ATP4B: variants seen among roughly 807,000 people sequenced by gnomAD.
ATP4B encodes the protein potassium-transporting ATPase subunit beta.
In ATP4B, 27 loss-of-function variants were observed where a neutral mutation model predicts 35.3. The ratio of observed to expected loss-of-function variants is 0.76; its 90% confidence interval spans 0.56 to 1.05. ATP4B has a LOEUF of 1.05. Ranked by LOEUF, ATP4B falls within the 50% of genes least tolerant of loss-of-function variation. The pLI is 0.00. For synonymous variants in ATP4B, 162 were observed against 156.0 expected (o/e 1.04, Z -0.29); for missense variants, 375 against 384.8 (o/e 0.97, Z 0.21).
intron 1 of ATP4B, among the ~76,000 whole-genome samples, chr13:113,655,668 AT>A (rs1341460890): frequency 6.8e-6 from 1 of 146,654 alleles, no homozygotes; most frequent in Non-Finnish European, 1.5e-5. Context: ...CGCAGGAGGC[AT>A]TTGCAGGGAG....
Position 113,649,251 on chromosome 13 carries a change from C to A in ATP4B, c.*123G>T. The A allele has an allele frequency of 1.6e-6, 2 of 1,230,352 alleles. No individual in the cohort carries two copies. The highest frequency in any genetic ancestry group is 2.2e-6 in the Non-Finnish European group (2 of 901,652). 76.2% of individuals were successfully genotyped at this position (1,230,352 alleles called of 1,614,324 possible). On this transcript the variant is annotated 3_prime_UTR_variant, in exon 7 of 7. Coordinates refer to ENST00000335288, the MANE Select transcript of ATP4B (RefSeq NM_000705.4). This position sits in a 1 kb window ranked among gnomAD's most constrained non-coding sequence, Gnocchi z 4.7. ...TTCTCTGGAGTTCGCACACTGACAACACCGTTGCTCCAAACCACTTTGGGG... is the reference window on the plus strand; with the variant it reads ...TTCTCTGGAGTTCGCACACTGACAAAACCGTTGCTCCAAACCACTTTGGGG...
At chr13:113,655,065 C>T in intron 1 of ATP4B, 123 bp from the exon 2 acceptor site, 1 of 1,347,366 alleles carries the variant, frequency 7.4e-7, no homozygotes, top group Admixed American at 2.2e-5. Flanking sequence ...AGAACATTCT[C>T]CTCCCCCAAA....
Position 113,649,515 on chromosome 13 carries a change from CA to C in ATP4B, c.734del (p.Leu245ArgfsTer26). ...KKAQPHYSNP[L>X]VAAKLLNIPR... ...GGATGTTGAGGAGCTTCGCTGCCAC[CA>C]GGGGGTTGCTGTAGTGGGGCTGAAG... On this transcript the variant is annotated frameshift_variant, in exon 7 of 7. Coordinates refer to ENST00000335288, the MANE Select transcript of ATP4B (RefSeq NM_000705.4). LOFTEE classifies it high-confidence loss of function. This position sits in a 1 kb window ranked among gnomAD's most constrained non-coding sequence, Gnocchi z 4.7. The C allele has an allele frequency of 6.5e-7, 1 of 1,537,106 alleles. No homozygotes were observed. Among genetic ancestry groups the C allele is most frequent in the South Asian group, 1.2e-5 (1 of 83,094 alleles).
Position 113,653,454 on chromosome 13 carries a change from T to TG in ATP4B, c.242-21dup. On this transcript the variant is annotated intron_variant, in intron 2 of 6. Transcript: ENST00000335288. Reference sequence around the variant, plus strand: ...TTACCCCTGGAGAGAGAGACCTTTGTGCTTAGCGTCTCCAAATGCTCACCA... The same window carrying TG: ...TTACCCCTGGAGAGAGAGACCTTTGTGGCTTAGCGTCTCCAAATGCTCACCA... The TG allele has an allele frequency of 6.3e-7, 1 of 1,598,698 alleles. No homozygotes were observed. The highest frequency in any genetic ancestry group is 8.6e-7 in the Non-Finnish European group (1 of 1,166,012).
At chr13:113,656,362 G>A (rs1458078650) in intron 1 of ATP4B, among the ~76,000 whole-genome samples, 2 of 152,204 alleles carry the variant, frequency 1.3e-5, no homozygotes, top group African/African-American at 4.8e-5. Flanking sequence ...GGAGATGTGG[G>A]CGGTGCGTGT....
At position 113,650,504 on chromosome 13, in the gene ATP4B, G is replaced by T; in HGVS notation, c.616C>A (p.Gln206Lys). ...AGCGGCTGGCCGAGCTCGCGGGGCT[G>T]GTCCTGGGGAGGAGAGGCCACTGCC... ...APRVDCAFLD[Q>K]PRELGQPLQV... The change falls in exon 6 of 7, where the codon CAG (glutamine) becomes AAG (lysine). Residue 206 changes from glutamine to lysine, a missense_variant. Coordinates refer to ENST00000335288, the MANE Select transcript of ATP4B (RefSeq NM_000705.4). The surrounding 1 kb of genome is among the most constrained non-coding windows in gnomAD (Gnocchi z 5.0). 3 of 1,610,856 alleles carry T rather than the reference G, an allele frequency of 1.9e-6. No homozygotes were observed. The highest frequency in any genetic ancestry group is 1.7e-6 in the Non-Finnish European group (2 of 1,178,382).
chr13:113,655,042 C>T, intron 1 of ATP4B, 100 bp from the exon 2 acceptor site: 1 of 1,479,802 alleles, frequency 6.8e-7, no homozygotes, highest in Non-Finnish European at 9.1e-7. Context: ...GACCATCTTC[C>T]CTACCTAGTT....
Position 113,653,307 on chromosome 13 carries a change from G to A in ATP4B, c.355+14C>T, listed in dbSNP as rs558936934. Reference sequence around the variant, plus strand: ...CCCGCCGCTTCACACCTCACCTGCCGTTTCACACCTCACCTGCTAGGAAGG... The same window carrying A: ...CCCGCCGCTTCACACCTCACCTGCCATTTCACACCTCACCTGCTAGGAAGG... On this transcript the variant is annotated intron_variant, in intron 3 of 6. Transcript: ENST00000335288. The A allele has an allele frequency of 3.8e-5, 60 of 1,594,104 alleles. No individual in the cohort carries two copies. The highest frequency in any genetic ancestry group is 2.1e-4 in the South Asian group (19 of 90,684).
intron 2 of ATP4B, 24 bp downstream of exon 2, chr13:113,654,790 G>A (rs781734219): frequency 5.0e-6 from 8 of 1,610,248 alleles, no homozygotes; most frequent in African/African-American, 1.3e-5. Flanking sequence ...CACACGGCAT[G>A]GGGGCAACAT....
In ATP4B at chr13:113,649,268, A is replaced by C; in HGVS notation, c.*106T>G. The C allele has an allele frequency of 7.1e-7, 1 of 1,403,090 alleles. No individual in the cohort carries two copies. The highest frequency in any genetic ancestry group is 9.6e-7 in the Non-Finnish European group (1 of 1,043,866). 86.9% of individuals were successfully genotyped at this position (1,403,090 alleles called of 1,614,324 possible). A position where few individuals can be genotyped will look rare whatever the true frequency, so the allele number is the denominator to read the frequency against. ...ACTGACAACACCGTTGCTCCAAACC[A>C]CTTTGGGGATGATTTGGCAGGGAAC... On this transcript the variant is annotated 3_prime_UTR_variant, in exon 7 of 7. Transcript: ENST00000335288. The surrounding 1 kb of genome is among the most constrained non-coding windows in gnomAD (Gnocchi z 4.7).
At chr13:113,652,575 T>C (rs1359852508) in intron 4 of ATP4B, 7 of 466,302 alleles carry the variant, frequency 1.5e-5, no homozygotes, top group South Asian at 4.0e-5. Context: ...TACCTGGCCC[T>C]GGCATCTCTG....
In ATP4B at chr13:113,649,077, C is replaced by G. The variant is rs1029412545; in HGVS notation, c.*297G>C. ...AGTGATGTCTACATAGAAGACGAAT[C>G]GTTTTTATGACCTGGTTAATTAGAG... On this transcript the variant is annotated 3_prime_UTR_variant, in exon 7 of 7. Transcript: ENST00000335288. The surrounding 1 kb of genome is among the most constrained non-coding windows in gnomAD (Gnocchi z 4.7). The G allele has an allele frequency of 4.0e-6, 1 of 250,858 alleles. No individual in the cohort carries two copies. The highest frequency in any genetic ancestry group is 2.3e-5 in the African/African-American group (1 of 43,624). 15.5% of individuals were successfully genotyped at this position (250,858 alleles called of 1,614,324 possible). A position where few individuals can be genotyped will look rare whatever the true frequency, so the allele number is the denominator to read the frequency against.
At position 113,649,816 on chromosome 13, in the gene ATP4B, T is replaced by C. The variant is rs1310531067; in HGVS notation, c.715-281A>G. ...AAAATGAAACAGGAAAAGCACGTGA[T>C]GTGGAGGAAAGTCTTCGAAGTGGAT... On this transcript the variant is annotated intron_variant, in intron 6 of 6. Coordinates refer to ENST00000335288, the MANE Select transcript of ATP4B (RefSeq NM_000705.4). This position sits in a 1 kb window ranked among gnomAD's most constrained non-coding sequence, Gnocchi z 4.7. Among the ~76,000 whole-genome samples, 1 of 152,154 alleles carries C rather than the reference T, an allele frequency of 6.6e-6. No homozygotes were observed. Among genetic ancestry groups the C allele is most frequent in the Non-Finnish European group, 1.5e-5 (1 of 68,032 alleles).
rs1024916935 is a variant in ATP4B, at chr13:113,650,350, A to G, written c.714+56T>C. On this transcript the variant is annotated intron_variant, in intron 6 of 6. Coordinates refer to ENST00000335288, the MANE Select transcript of ATP4B (RefSeq NM_000705.4). This position sits in a 1 kb window ranked among gnomAD's most constrained non-coding sequence, Gnocchi z 5.0. ...AGGGGCTTATTGCTTTCCTTTCGCTAAGTGTGAGAGGACTCAGCAGCTGTG... is the reference window on the plus strand; with the variant it reads ...AGGGGCTTATTGCTTTCCTTTCGCTGAGTGTGAGAGGACTCAGCAGCTGTG... The G allele has an allele frequency of 2.0e-6, 3 of 1,516,256 alleles. No individual in the cohort carries two copies. The highest frequency in any genetic ancestry group is 2.7e-6 in the Non-Finnish European group (3 of 1,092,226). The allele number at this position is 1,516,256 out of a possible 1,614,324, so 93.9% of individuals were successfully genotyped here.
At chr13:113,651,072 C>T (rs1398230671) in intron 5 of ATP4B, among the ~76,000 whole-genome samples, 2 of 151,938 alleles carry the variant, frequency 1.3e-5, no homozygotes, top group Admixed American at 6.5e-5. Flanking sequence ...GTGGAGGCTT[C>T]GAGGGAAGTG....
At chr13:113,655,006 C>T (rs2049743026) in intron 1 of ATP4B, 64 bp from the exon 2 acceptor site, 1 of 1,596,228 alleles carries the variant, frequency 6.3e-7, no homozygotes, top group African/African-American at 1.3e-5. Context: ...AATTCGGTGG[C>T]CTTGAGCGCG....
At chr13:113,653,981 G>A (rs2049734377) in intron 2 of ATP4B, among the ~76,000 whole-genome samples, 1 of 152,064 alleles carries the variant, frequency 6.6e-6, no homozygotes, top group Non-Finnish European at 1.5e-5. Flanking sequence ...TTTACTGCAG[G>A]TCCTTAGGAA....
chr13:113,650,880 C>T lies in ATP4B; in HGVS notation c.613-373G>A, dbSNP rs1422470410. Among the ~76,000 whole-genome samples, 4 of 152,064 alleles carry T rather than the reference C, an allele frequency of 2.6e-5. No homozygotes were observed. The highest frequency in any genetic ancestry group is 2.9e-5 in the Non-Finnish European group (2 of 68,008). ...TACAAGTTGGTGTGAGTGGGGCAAG[C>T]GAATGCGTTTTTGTGAGATTGGGGC... On this transcript the variant is annotated intron_variant, in intron 5 of 6. Transcript: ENST00000335288. This position sits in a 1 kb window ranked among gnomAD's most constrained non-coding sequence, Gnocchi z 5.0.
chr13:113,651,533 G>A (rs1352492471), intron 5 of ATP4B, 138 bp downstream of exon 5: 20 of 926,168 alleles, frequency 2.2e-5, no homozygotes, highest in Middle Eastern at 4.8e-4. Context: ...GTGATGGTTC[G>A]GTGTTTACGT....
Sources: gnomAD v4.1 joint callset for allele counts (sites outside exome capture counted in the v4.1 genomes callset) on GRCh38, gnomAD v4.1.1 for gene constraint, Gnocchi (gnomAD v3.1) non-coding constraint, MANE v1.5 for transcripts, NCBI Gene and HGNC (gene_info 2026-07-23, HGNC 2026-07-21) for gene names.